Variants in ATRNL1 observed in about 807,000 individuals in gnomAD.
ATRNL1 encodes the protein attractin like 1.
In ATRNL1, 95 loss-of-function variants were observed where a neutral mutation model predicts 182.7. The ratio of observed to expected loss-of-function variants is 0.52; its 90% CI spans 0.44 to 0.62. The LOEUF (loss-of-function observed/expected upper bound fraction) is 0.62, where lower values mean the gene tolerates loss of function less well. Ranked by LOEUF, ATRNL1 falls within the 20% of genes least tolerant of loss-of-function variation. The probability of loss-of-function intolerance (pLI) is 0.00; values close to 1 mark genes in which losing one functional copy is unlikely to be tolerated. For missense variants in ATRNL1, 1,471 were observed against 1,679.5 expected (o/e 0.88, Z 2.17); for synonymous variants, 576 against 568.3 (o/e 1.01, Z -0.19).
intron 1 of ATRNL1, among the ~76,000 whole-genome samples, chr10:115,098,333 AGT>A (rs1170890026): frequency 2.6e-5 from 4 of 151,936 alleles, no homozygotes; most frequent in African/African-American, 9.7e-5. Context: ...GTTCCTTGAA[AGT>A]GTCACATTCC....
At chr10:115,440,542 A>G (rs2134444567) in intron 21 of ATRNL1, among the ~76,000 whole-genome samples, 1 of 152,052 alleles carries the variant, frequency 6.6e-6, no homozygotes, top group East Asian at 1.9e-4. Context: ...TTTGTAATTC[A>G]TTAACCCTAC....
In ATRNL1 at chr10:115,898,199, A is replaced by G. The variant is rs541870221; in HGVS notation, c.4019-46459A>G. ...CTTGGCTTCCCAAAGTGATGGGATT[A>G]CAGGCATGAGCCACTATGCCCGGTC... On this transcript the variant is annotated intron_variant, in intron 28 of 28. Transcript: ENST00000355044. Among the ~76,000 whole-genome samples the G allele has an allele frequency of 4.6e-5, 7 of 152,358 alleles. No homozygotes were observed. In the East Asian group the frequency reaches 1.4e-3, roughly 29 times the overall value.
chr10:115,410,858 C>T (rs913406108), intron 20 of ATRNL1, among the ~76,000 whole-genome samples: 10 of 152,038 alleles, frequency 6.6e-5, no homozygotes, highest in Non-Finnish European at 1.5e-4. Flanking sequence ...CTGTCTCAGC[C>T]TCCTGAGTAG....
chr10:115,562,124 TG>T (rs1853795891), intron 26 of ATRNL1, among the ~76,000 whole-genome samples: 1 of 152,158 alleles, frequency 6.6e-6, no homozygotes, highest in African/African-American at 2.4e-5. Flanking sequence ...ATATCCCAAA[TG>T]CCTAACAACT....
chr10:115,647,439 C>T (rs1555032909), intron 26 of ATRNL1, among the ~76,000 whole-genome samples: 1 of 152,178 alleles, frequency 6.6e-6, no homozygotes, highest in East Asian at 1.9e-4. Context: ...GTTCCTATTT[C>T]TCTACATCCT....
At chr10:115,853,548 C>T (rs985891887) in intron 28 of ATRNL1, among the ~76,000 whole-genome samples, 1 of 152,188 alleles carries the variant, frequency 6.6e-6, no homozygotes, top group Admixed American at 6.5e-5. Flanking sequence ...TATTCCTTCA[C>T]ACTTTGTTTT....
intron 5 of ATRNL1, among the ~76,000 whole-genome samples, chr10:115,151,673 G>T (rs1174659407): frequency 6.6e-6 from 1 of 152,144 alleles, no homozygotes; most frequent in Non-Finnish European, 1.5e-5. Flanking sequence ...TAGGTTGCGT[G>T]TTCACTTTGA....
At chr10:115,204,814 T>C (rs1373708236) in intron 8 of ATRNL1, among the ~76,000 whole-genome samples, 1 of 152,130 alleles carries the variant, frequency 6.6e-6, no homozygotes, top group Non-Finnish European at 1.5e-5. Flanking sequence ...ATGTTCCCTC[T>C]TCTATTTTGT....
At chr10:115,812,759 G>A (rs1950076623) in intron 27 of ATRNL1, among the ~76,000 whole-genome samples, 2 of 151,960 alleles carry the variant, frequency 1.3e-5, no homozygotes, top group African/African-American at 4.8e-5. Flanking sequence ...TTAGGGGCAT[G>A]AACCACCGTG....
chr10:115,636,566 A>T (rs1592985879), intron 26 of ATRNL1, among the ~76,000 whole-genome samples: 1 of 152,364 alleles, frequency 6.6e-6, no homozygotes, highest in East Asian at 1.9e-4. Context: ...AATAGAACTC[A>T]GAGTCTCCTA....
chr10:115,131,969 T>C (rs1554875300), intron 5 of ATRNL1, among the ~76,000 whole-genome samples: 1 of 152,180 alleles, frequency 6.6e-6, no homozygotes, highest in African/African-American at 2.4e-5. Context: ...CTAGGGCACA[T>C]GTGCACAACG....
intron 28 of ATRNL1, among the ~76,000 whole-genome samples, chr10:115,889,270 G>A (rs782297555): frequency 4.6e-5 from 7 of 151,844 alleles, no homozygotes; most frequent in Non-Finnish European, 8.8e-5. Flanking sequence ...ACACTTTTGG[G>A]CAGTGCTAAC....
chr10:115,754,386 C>A (rs1025758505), intron 27 of ATRNL1, among the ~76,000 whole-genome samples: 1 of 152,118 alleles, frequency 6.6e-6, no homozygotes, highest in Non-Finnish European at 1.5e-5. Context: ...CAGCTTTCTG[C>A]ATATGGCCAG....
At chr10:115,425,537 A>G (rs1845845214) in intron 20 of ATRNL1, among the ~76,000 whole-genome samples, 1 of 151,998 alleles carries the variant, frequency 6.6e-6, no homozygotes, top group Non-Finnish European at 1.5e-5. Context: ...AATTTTGAAA[A>G]TACTTATGAT....
intron 21 of ATRNL1, among the ~76,000 whole-genome samples, chr10:115,434,845 T>C (rs568200982): frequency 6.6e-6 from 1 of 152,228 alleles, no homozygotes; most frequent in South Asian, 2.1e-4. Context: ...ACTGTAACTC[T>C]AACTGCATCC....
At chr10:115,795,455 T>A (rs1555082701) in intron 27 of ATRNL1, among the ~76,000 whole-genome samples, 1 of 152,130 alleles carries the variant, frequency 6.6e-6, no homozygotes, top group African/African-American at 2.4e-5. Context: ...TCAGCTTTCC[T>A]CCCATCCCCA....
intron 17 of ATRNL1, among the ~76,000 whole-genome samples, chr10:115,312,173 T>C (rs1480646671): frequency 6.6e-6 from 1 of 152,158 alleles, no homozygotes; most frequent in Admixed American, 6.6e-5. Flanking sequence ...TACTTTGTTT[T>C]CTTCATTGTA....
At chr10:115,883,186 A>C (rs1589645751) in intron 28 of ATRNL1, among the ~76,000 whole-genome samples, 1 of 152,340 alleles carries the variant, frequency 6.6e-6, no homozygotes, top group East Asian at 1.9e-4. Flanking sequence ...TCCATGCAAG[A>C]AACTCTTTAC....
intron 19 of ATRNL1, among the ~76,000 whole-genome samples, chr10:115,348,083 C>T (rs1856057047): frequency 1.3e-5 from 2 of 152,178 alleles, no homozygotes; most frequent in African/African-American, 4.8e-5. Context: ...AAGGGATTCT[C>T]CTGCCTCAGC....
Sources: allele counts gnomAD v4.1 joint callset (sites outside exome capture counted in the v4.1 genomes callset), GRCh38; gene constraint gnomAD v4.1.1; transcripts MANE v1.5; gene names NCBI Gene and HGNC (gene_info 2026-07-23, HGNC 2026-07-21).